Variants in CELF2 observed in about 807,000 individuals in gnomAD.
CELF2 encodes the protein CUGBP Elav-like family member 2.
Under a neutral mutation model 62.6 loss-of-function variants are expected in CELF2, and 8 were observed. That is an observed-to-expected ratio of 0.13 (90% CI 0.07 to 0.23). The LOEUF is 0.23. Ranked by LOEUF, CELF2 falls within the 10% of genes least tolerant of loss-of-function variation. CELF2 has a pLI of 1.00. For synonymous variants in CELF2, 258 were observed against 250.0 expected (o/e 1.03, Z -0.30); for missense variants, 333 against 671.0 (o/e 0.50, Z 5.56).
chr10:10,828,636 T>C (rs1314594263), intron 1 of CELF2, among the ~76,000 whole-genome samples: 1 of 152,234 alleles, frequency 6.6e-6, no homozygotes, highest in African/African-American at 2.4e-5. Flanking sequence ...TTCAAATGGT[T>C]TCAATGGTCA....
In CELF2 at chr10:11,319,260, C is replaced by T. The variant is rs1412703817; in HGVS notation, c.1097-1929C>T. On this transcript the variant is annotated intron_variant, in intron 10 of 12. Coordinates refer to ENST00000633077, the MANE Select transcript of CELF2 (RefSeq NM_001326342.2). The surrounding 1 kb of genome is among the most constrained non-coding windows in gnomAD (Gnocchi z 4.4). ...TTTATCAGCAGCGTCCAGCCCTTCC[C>T]GAGTTATTGTACATACCCCTCTCAC... is the stretch of plus-strand genomic sequence containing the variant. 3 of 375,830 alleles carry T rather than the reference C, an allele frequency of 8.0e-6. No homozygotes were observed. Among genetic ancestry groups the T allele is most frequent in the Non-Finnish European group, 1.6e-5 (3 of 184,770 alleles). The allele number at this position is 375,830 out of a possible 1,614,324, so 23.3% of individuals were successfully genotyped here.
At chr10:10,812,918 A>T (rs1416952429) in intron 1 of CELF2, among the ~76,000 whole-genome samples, 2 of 152,208 alleles carry the variant, frequency 1.3e-5, no homozygotes, top group Non-Finnish European at 2.9e-5. Flanking sequence ...AAACCCACAT[A>T]TTCCTCATTT....
rs952261245 is a variant in CELF2 at position 11,018,219 on chromosome 10, G to T, written c.74+56G>T. On this transcript the variant is annotated intron_variant, in intron 1 of 12. Coordinates refer to ENST00000633077, the MANE Select transcript of CELF2 (RefSeq NM_001326342.2). Reference sequence around the variant, plus strand: ...AGCGGGCGTCCTCCTCCCAGAGTCGGCGGCGCGAAGGGGACGGGCGTCGCC... The same window carrying T: ...AGCGGGCGTCCTCCTCCCAGAGTCGTCGGCGCGAAGGGGACGGGCGTCGCC... The T allele has an allele frequency of 3.2e-5, 46 of 1,448,232 alleles. No individual in the cohort carries two copies. In the African/African-American group the frequency reaches 6.6e-4, roughly 21 times the overall value. 89.7% of individuals were successfully genotyped at this position (1,448,232 alleles called of 1,614,324 possible). A position where few individuals can be genotyped will look rare whatever the true frequency, so the allele number is the denominator to read the frequency against.
chr10:11,263,001 C>G (rs890600426), intron 5 of CELF2, among the ~76,000 whole-genome samples: 1 of 99,186 alleles, frequency 1.0e-5, no homozygotes, highest in South Asian at 3.5e-4. Context: ...GTTCTCAGTT[C>G]TCTTGCAGCT....
At chr10:11,133,759 G>C (rs1595897052) in intron 1 of CELF2, among the ~76,000 whole-genome samples, 2 of 152,306 alleles carry the variant, frequency 1.3e-5, no homozygotes, top group Admixed American at 1.3e-4. Flanking sequence ...ACCTTGGCCT[G>C]ACTTTGGGGT....
chr10:10,662,385 A>G, the CELF2 span, among the ~76,000 whole-genome samples: 1 of 152,156 alleles, frequency 6.6e-6, no homozygotes, highest in East Asian at 1.9e-4. Context: ...AGTGAGTTAA[A>G]AACTCAGCAG....
chr10:10,575,086 C>T, the CELF2 span, among the ~76,000 whole-genome samples: 1 of 152,010 alleles, frequency 6.6e-6, no homozygotes. Flanking sequence ...GCTAAGTATA[C>T]CTAATAACGT....
intron 1 of CELF2, among the ~76,000 whole-genome samples, chr10:11,093,062 A>AATTT (rs2048766446): frequency 1.3e-5 from 2 of 152,198 alleles, no homozygotes; most frequent in South Asian, 4.1e-4. Context: ...CATCAGTCTT[A>AATTT]ATTTCTTACT....
the CELF2 span, among the ~76,000 whole-genome samples, chr10:10,706,722 G>A: frequency 1.3e-5 from 2 of 152,172 alleles, no homozygotes; most frequent in African/African-American, 4.8e-5. Flanking sequence ...ATTGTCAAAA[G>A]TTACAGAGTG....
At chr10:10,590,846 C>T in the CELF2 span, among the ~76,000 whole-genome samples, 5 of 152,122 alleles carry the variant, frequency 3.3e-5, no homozygotes, top group African/African-American at 7.2e-5. Flanking sequence ...GCCCTTTGTC[C>T]GTCAAAACTT....
At chr10:11,279,952 C>T (rs1015744346) in intron 8 of CELF2, among the ~76,000 whole-genome samples, 1 of 152,040 alleles carries the variant, frequency 6.6e-6, no homozygotes, top group African/African-American at 2.4e-5. Context: ...GTTTATTGCC[C>T]CTGGTTCGAG....
rs540325916 is a variant in CELF2 at position 10,916,307 on chromosome 10, T to C, written c.54-3657T>C. Among the ~76,000 whole-genome samples, 9 of 152,336 alleles carry C rather than the reference T, an allele frequency of 5.9e-5. 1 individual carries two copies. The highest frequency in any genetic ancestry group is 1.9e-4 in the African/African-American group (8 of 41,558). On this transcript the variant is annotated intron_variant, in intron 1 of 13. Coordinates refer to the CELF2 transcript ENST00000636488. ...TGCAGTCAAATACAGTGGGGTGTTT[T>C]TGTCTGTTTCATTTTGTTAAAATTT...
intron 1 of CELF2, among the ~76,000 whole-genome samples, chr10:11,146,366 T>C (rs1203975068): frequency 6.6e-6 from 1 of 152,262 alleles, no homozygotes; most frequent in Non-Finnish European, 1.5e-5. Context: ...AATATATCTG[T>C]ATCTCTACAC....
the CELF2 span, among the ~76,000 whole-genome samples, chr10:10,558,337 T>G: frequency 6.6e-6 from 1 of 151,480 alleles, no homozygotes; most frequent in Non-Finnish European, 1.5e-5. Flanking sequence ...TGGATTACAT[T>G]TATTGATTTG....
chr10:10,744,659 T>C, the CELF2 span, among the ~76,000 whole-genome samples: 1 of 152,194 alleles, frequency 6.6e-6, no homozygotes, highest in Non-Finnish European at 1.5e-5. Context: ...TCTGTGACTA[T>C]TATACTAGCA....
At position 10,907,384 on chromosome 10, in the gene CELF2, A is replaced by G. The variant is rs142095357; in HGVS notation, c.54-12580A>G. ...TGAGACGTTATAAGGATGTATAATT[A>G]TATTCTTCACCTTTTAAAAAAAGTT... On this transcript the variant is annotated intron_variant, in intron 1 of 13. Transcript: ENST00000636488. Among the ~76,000 whole-genome samples the G allele has an allele frequency of 3.3e-5, 5 of 152,358 alleles. No homozygotes were observed. The East Asian group carries it at 9.6e-4, about 29-fold the overall frequency.
At chr10:10,528,023 T>G in the CELF2 span, among the ~76,000 whole-genome samples, 1 of 152,220 alleles carries the variant, frequency 6.6e-6, no homozygotes, top group South Asian at 2.1e-4. Context: ...CACAGTTAAA[T>G]GACCTACCCT....
chr10:11,143,561 G>A (rs939164306), intron 1 of CELF2, among the ~76,000 whole-genome samples: 1 of 152,156 alleles, frequency 6.6e-6, no homozygotes, highest in East Asian at 1.9e-4. Flanking sequence ...GAATTAGTTG[G>A]ATGTTTTCTA....
chr10:10,568,382 A>C, the CELF2 span, among the ~76,000 whole-genome samples: 1 of 152,210 alleles, frequency 6.6e-6, no homozygotes, highest in East Asian at 1.9e-4. Flanking sequence ...AATTGGAGGA[A>C]GCATCTGTTT....
Sources: allele counts gnomAD v4.1 joint callset (sites outside exome capture counted in the v4.1 genomes callset), GRCh38; gene constraint gnomAD v4.1.1; non-coding constraint Gnocchi (gnomAD v3.1); transcripts MANE v1.5; gene names NCBI Gene and HGNC (gene_info 2026-07-23, HGNC 2026-07-21).